The following NEFL variants were observed in gnomAD, a reference collection of about 807,000 sequenced individuals.
NEFL encodes neurofilament light chain, also known as neurofilament light polypeptide.
In NEFL, 36 loss-of-function variants were observed where a neutral mutation model predicts 51.6. That is an observed-to-expected ratio of 0.70 (90% CI 0.53 to 0.92). The LOEUF is 0.92. Among genes scored for constraint, NEFL ranks in the 40% least tolerant of loss-of-function variants. The pLI, the probability that NEFL is intolerant of heterozygous loss-of-function variation, is 0.00. For missense variants in NEFL, 671 were observed against 722.0 expected (o/e 0.93, Z 0.81); for synonymous variants, 332 against 302.5 (o/e 1.10, Z -1.01).
In NEFL at chr8:24,952,954, T is replaced by C. The variant is rs760873433; in HGVS notation, c.1490-2A>G. 1 of 1,606,802 alleles carries C rather than the reference T, an allele frequency of 6.2e-7. No individual in the cohort carries two copies. Among genetic ancestry groups the C allele is most frequent in the Non-Finnish European group, 8.5e-7 (1 of 1,177,332 alleles). On this transcript the variant is annotated splice_acceptor_variant, in intron 3 of 3. Transcript: ENST00000610854. LOFTEE classifies it high-confidence loss of function. ...CTTCTTCAGACTCTTCCTTGGCAGC[T>C]TTAACATAAAAAGAAAATGTACAAA... is the stretch of plus-strand genomic sequence containing the variant.
chr8:24,954,471 T>A (rs1224621729), intron 1 of NEFL, among the ~76,000 whole-genome samples, 166 bp from the exon 2 acceptor site: 1 of 152,200 alleles, frequency 6.6e-6, no homozygotes, highest in Non-Finnish European at 1.5e-5. Context: ...AAAACCTTCA[T>A]GCCTAAAATA....
Position 24,955,400 on chromosome 8 carries a change from C to T in NEFL, c.1044+72G>A. On this transcript the variant is annotated intron_variant, in intron 1 of 3. Coordinates refer to ENST00000610854, the MANE Select transcript of NEFL (RefSeq NM_006158.5). The surrounding 1 kb of genome is among the most constrained non-coding windows in gnomAD (Gnocchi z 4.0). ...GTGCAGCCGCACCACCCCTGGTCTC[C>T]ACTTTCTGGGCGCACCAACTCCCCC... The T allele has an allele frequency of 7.0e-7, 1 of 1,438,660 alleles. No homozygotes were observed. The highest frequency in any genetic ancestry group is 9.3e-7 in the Non-Finnish European group (1 of 1,069,548). The allele number at this position is 1,438,660 out of a possible 1,614,324, so 89.1% of individuals were successfully genotyped here.
In NEFL at chr8:24,951,163, G is replaced by A. The variant is rs1802961741; in HGVS notation, c.*1647C>T. On this transcript the variant is annotated 3_prime_UTR_variant, in exon 4 of 4. Coordinates refer to ENST00000610854, the MANE Select transcript of NEFL (RefSeq NM_006158.5). ...TGAAAAGTTTTGTTTCTGAGGAGAC[G>A]CCTCATCTTTACAGAAGCCAATACA... is the stretch of plus-strand genomic sequence containing the variant. 1 of 152,362 alleles carries A rather than the reference G, an allele frequency of 6.6e-6. No homozygotes were observed. The highest frequency in any genetic ancestry group is 2.4e-5 in the African/African-American group (1 of 41,422). The allele number at this position is 152,362 out of a possible 1,614,324, so 9.4% of individuals were successfully genotyped here.
rs376751687 is a variant in NEFL at position 24,955,718 on chromosome 8, C to T, written c.798G>A (p.Glu266=). The change falls in exon 1 of 4, where the codon GAG becomes GAA. Residue 266 remains glutamate, a synonymous_variant. Coordinates refer to ENST00000610854, the MANE Select transcript of NEFL (RefSeq NM_006158.5). This position sits in a 1 kb window ranked among gnomAD's most constrained non-coding sequence, Gnocchi z 4.0. The part of the protein sequence containing the change: ...AALKDIRAQY[E]KLAAKNMQNA... ...TCTGCATGTTCTTGGCGGCCAGCTT[C>T]TCGTACTGCGCGCGGATGTCCTTGA... The T allele has an allele frequency of 1.9e-6, 3 of 1,613,796 alleles. No homozygotes were observed. Among genetic ancestry groups the T allele is most frequent in the African/African-American group, 2.7e-5 (2 of 74,936 alleles).
At position 24,952,553 on chromosome 8, in the gene NEFL, G is replaced by A. The variant is rs1802983592; in HGVS notation, c.*257C>T. ...CATCTGAATGATTCACATTGCCGTA[G>A]ATCCTGAACTCATAAGCGTGGTCCA... On this transcript the variant is annotated 3_prime_UTR_variant, in exon 4 of 4. Transcript: ENST00000610854. 6.7e-6 allele frequency: 3 copies of A among 444,872 alleles called. No homozygotes were observed. The South Asian group carries it at 1.6e-4, about 23-fold the overall frequency. 27.6% of individuals were successfully genotyped at this position (444,872 alleles called of 1,614,324 possible). A position where few individuals can be genotyped will look rare whatever the true frequency, so the allele number is the denominator to read the frequency against.
Position 24,953,695 on chromosome 8 carries a change from A to T in NEFL, c.1270T>A (p.Tyr424Asn). The change falls in exon 3 of 4, where the codon TAC becomes AAC. Residue 424 changes from tyrosine (Y) to asparagine (N), a missense_variant. Physicochemically the swap from Tyr to Asn is moderately radical, Grantham distance 143. Transcript: ENST00000610854. ...QSSQVFGRSA[Y>N]GGLQTSSYLM... Reference sequence around the variant, plus strand: ...TAGGAGCTGGTCTGTAAACCGCCGTAGGCAGATCGGCCAAAGACCTGGGAG... The same window carrying T: ...TAGGAGCTGGTCTGTAAACCGCCGTTGGCAGATCGGCCAAAGACCTGGGAG... 2 of 1,614,016 alleles carry T rather than the reference A, an allele frequency of 1.2e-6. No homozygotes were observed. The highest frequency in any genetic ancestry group is 1.7e-6 in the Non-Finnish European group (2 of 1,179,882).
In NEFL at chr8:24,953,460, T is replaced by A; in HGVS notation, c.1489+16A>T. On this transcript the variant is annotated intron_variant, in intron 3 of 3. Transcript: ENST00000610854. ...CAGTTTACACTTGAAGTTGCAGGGG[T>A]TTTTTCTTATCATACCTTCTTCCTC... 6.4e-7 allele frequency: 1 copy of A among 1,550,856 alleles called. No homozygotes were observed. Among genetic ancestry groups the A allele is most frequent in the Non-Finnish European group, 8.7e-7 (1 of 1,148,480 alleles).
At position 24,956,410 on chromosome 8, in the gene NEFL, C is replaced by T. The variant is rs1432127004; in HGVS notation, c.106G>A (p.Ala36Thr). Residue 36 changes from alanine to threonine, a missense_variant, in exon 1 of 4, where the codon GCA becomes ACA. Physicochemically the swap from Ala to Thr is moderately conservative, Grantham distance 58. Transcript: ENST00000610854. The surrounding 1 kb of genome is among the most constrained non-coding windows in gnomAD (Gnocchi z 5.9). Reference protein sequence around the residue: ...ISSVRSGYSTARSAYSSYSAP... With the variant: ...ISSVRSGYSTTRSAYSSYSAP... ...GAGTAGCTGGAGTAAGCTGAGCGTGCGGTGCTGTAGCCGCTGCGCACGCTG... is the reference window on the plus strand; with the variant it reads ...GAGTAGCTGGAGTAAGCTGAGCGTGTGGTGCTGTAGCCGCTGCGCACGCTG... 6.2e-7 allele frequency: 1 copy of T among 1,603,076 alleles called. No homozygotes were observed. The highest frequency in any genetic ancestry group is 2.3e-5 in the East Asian group (1 of 44,336).
Position 24,955,661 on chromosome 8 carries a change from G to A in NEFL, c.855C>T (p.Thr285=), listed in dbSNP as rs1065083. The A allele has an allele frequency of 3.5e-4, 565 of 1,613,850 alleles. 3 individuals are homozygous for A. In the African/African-American group the frequency reaches 7.1e-3, roughly 20 times the overall value. ...TCTTGGCGGCGCTCTCGGTCAGCAC[G>A]GTGAAGCGGCTCTTGAACCATTCCT... ...NAEEWFKSRF[T]VLTESAAKNT... is the part of the protein sequence containing the mutation. Residue 285 remains threonine, a synonymous_variant, in exon 1 of 4, where the codon ACC becomes ACT. Coordinates refer to ENST00000610854, the MANE Select transcript of NEFL (RefSeq NM_006158.5). The surrounding 1 kb of genome is among the most constrained non-coding windows in gnomAD (Gnocchi z 4.0).
chr8:24,951,710 G>A lies in NEFL; in HGVS notation c.*1100C>T, dbSNP rs79736124. 5,858 of 152,618 alleles carry A rather than the reference G, an allele frequency of 0.038. 155 individuals carry two copies. The highest frequency in any genetic ancestry group is 0.082 in the Middle Eastern group (24 of 294). The allele number at this position is 152,618 out of a possible 1,614,324, so 9.5% of individuals were successfully genotyped here. ...TATTTACTTGAGGCAACAGAATTAC[G>A]CTTAACAACACACTAAATCATGAGC... On this transcript the variant is annotated 3_prime_UTR_variant, in exon 4 of 4. Transcript: ENST00000610854.
rs1442664792 is a variant in NEFL at position 24,951,217 on chromosome 8, A to G, written c.*1593T>C. On this transcript the variant is annotated 3_prime_UTR_variant, in exon 4 of 4. Transcript: ENST00000610854. ...AGAGCCTTCATAGTTCCAATCCATT[A>G]CCATCATGGCAAGGAAGCACTTTAC... 1 of 152,304 alleles carries G rather than the reference A, an allele frequency of 6.6e-6. No homozygotes were observed. The highest frequency in any genetic ancestry group is 1.5e-5 in the Non-Finnish European group (1 of 68,032). The allele number at this position is 152,304 out of a possible 1,614,324, so 9.4% of individuals were successfully genotyped here.
rs1802967600 is a variant in NEFL, at chr8:24,951,458, T to C, written c.*1352A>G. On this transcript the variant is annotated 3_prime_UTR_variant, in exon 4 of 4. Transcript: ENST00000610854. ...TCATCTATATTTATTCCACATCAAA[T>C]GCAAGAGCGTTCTTAACTTTACGAC... is the stretch of plus-strand genomic sequence containing the variant. The C allele has an allele frequency of 6.6e-6, 1 of 152,194 alleles. No individual in the cohort carries two copies. The highest frequency in any genetic ancestry group is 2.1e-4 in the South Asian group (1 of 4,830). 9.4% of individuals were successfully genotyped at this position (152,194 alleles called of 1,614,324 possible). A position where few individuals can be genotyped will look rare whatever the true frequency, so the allele number is the denominator to read the frequency against.
intron 2 of NEFL, 177 bp from the exon 3 acceptor site, chr8:24,953,972 G>C: frequency 8.7e-7 from 1 of 1,155,342 alleles, no homozygotes; most frequent in Non-Finnish European, 1.2e-6. Context: ...TAGATTTAAA[G>C]TGTAATGACA....
Position 24,953,765 on chromosome 8 carries a change from G to A in NEFL, c.1200C>T (p.Leu400=). The A allele has an allele frequency of 1.9e-6, 3 of 1,613,104 alleles. No homozygotes were observed. The highest frequency in any genetic ancestry group is 2.7e-5 in the African/African-American group (2 of 75,042). The change falls in exon 3 of 4, where the codon CTC becomes CTT. Residue 400 remains leucine (L), a synonymous_variant. Transcript: ENST00000610854. ...TTATGCTTCCCACGCTGGTGAAACT[G>A]AGTCGGGTCTCCTCGCCTTCCAAGA... ...RKLLEGEETR[L]SFTSVGSITS...
Position 24,952,723 on chromosome 8 carries a change from T to C in NEFL, c.*87A>G, listed in dbSNP as rs181734389. ...TATTGACTTTTTAATTCACATAGAA[T>C]CTGGAACTCAACTGGTTGGTTGGTT... On this transcript the variant is annotated 3_prime_UTR_variant, in exon 4 of 4. Transcript: ENST00000610854. 18 of 1,600,546 alleles carry C rather than the reference T, an allele frequency of 1.1e-5. No individual in the cohort carries two copies. The African/African-American group carries it at 1.7e-4, about 16-fold the overall frequency.
In NEFL at chr8:24,956,101, A is replaced by T. The variant is rs868126991; in HGVS notation, c.415T>A (p.Tyr139Asn). ...CGCAGGTCGCGGATCTCCTGCTCGT[A>T]CAGCGCCCGGAAGCGGGATGGCTCG... ...HSEPSRFRALYEQEIRDLRLA... is the reference protein window; with the variant it reads ...HSEPSRFRALNEQEIRDLRLA... The change falls in exon 1 of 4, where the codon TAC (tyrosine) becomes AAC (asparagine). Residue 139 changes from tyrosine (Y) to asparagine (N), a missense_variant. Coordinates refer to ENST00000610854, the MANE Select transcript of NEFL (RefSeq NM_006158.5). The surrounding 1 kb of genome is among the most constrained non-coding windows in gnomAD (Gnocchi z 5.9). The T allele has an allele frequency of 1.2e-6, 2 of 1,606,806 alleles. No individual in the cohort carries two copies. Among genetic ancestry groups the T allele is most frequent in the Non-Finnish European group, 1.7e-6 (2 of 1,178,852 alleles).
At position 24,955,772 on chromosome 8, in the gene NEFL, G is replaced by T. The variant is rs1388179593; in HGVS notation, c.744C>A (p.Asp248Glu). Residue 248 changes from aspartate to glutamate, a missense_variant, in exon 1 of 4, where the codon GAC becomes GAA. By Grantham distance (45) the Asp-to-Glu change is conservative. Transcript: ENST00000610854. The surrounding 1 kb of genome is among the most constrained non-coding windows in gnomAD (Gnocchi z 4.0). ...CGGCGGAAAGGTCGGGCTTGGTCAC[G>T]TCCATCTCCACGGAGATCTGCGCGT... is the stretch of plus-strand genomic sequence containing the variant. ...IQYAQISVEMDVTKPDLSAAL... is the reference protein window; with the variant it reads ...IQYAQISVEMEVTKPDLSAAL... The T allele has an allele frequency of 6.2e-7, 1 of 1,613,114 alleles. No homozygotes were observed. The highest frequency in any genetic ancestry group is 1.3e-5 in the African/African-American group (1 of 74,932).
chr8:24,955,417 AACTCCCCC>A lies in NEFL; in HGVS notation c.1044+47_1044+54del. On this transcript the variant is annotated intron_variant, in intron 1 of 3. Coordinates refer to ENST00000610854, the MANE Select transcript of NEFL (RefSeq NM_006158.5). This position sits in a 1 kb window ranked among gnomAD's most constrained non-coding sequence, Gnocchi z 4.0. ...CTGGTCTCCACTTTCTGGGCGCACCAACTCCCCCCCTTGCTCGAGTCCCCCGCCCCCCT... is the reference window on the plus strand; with the variant it reads ...CTGGTCTCCACTTTCTGGGCGCACCACCTTGCTCGAGTCCCCCGCCCCCCT... 4 of 1,199,962 alleles carry A rather than the reference AACTCCCCC, an allele frequency of 3.3e-6. No homozygotes were observed. Among genetic ancestry groups the A allele is most frequent in the East Asian group, 2.6e-5 (1 of 38,584 alleles). The allele number at this position is 1,199,962 out of a possible 1,614,324, so 74.3% of individuals were successfully genotyped here.
Position 24,956,604 on chromosome 8 carries a change from G to C in NEFL, c.-89C>G. On this transcript the variant is annotated 5_prime_UTR_variant, in exon 1 of 4. Coordinates refer to ENST00000610854, the MANE Select transcript of NEFL (RefSeq NM_006158.5). The surrounding 1 kb of genome is among the most constrained non-coding windows in gnomAD (Gnocchi z 5.9). ...AGAGAGGGAAGGGGGAGGATGGATG[G>C]CTGTGTGCGGCTCGGCGCCGTTCTG... 1 of 1,254,862 alleles carries C rather than the reference G, an allele frequency of 8.0e-7. No individual in the cohort carries two copies. Among genetic ancestry groups the C allele is most frequent in the Admixed American group, 2.0e-5 (1 of 50,400 alleles). 77.7% of individuals were successfully genotyped at this position (1,254,862 alleles called of 1,614,324 possible).
Sources: allele counts gnomAD v4.1 joint callset (sites outside exome capture counted in the v4.1 genomes callset), GRCh38; gene constraint gnomAD v4.1.1; non-coding constraint Gnocchi (gnomAD v3.1); transcripts MANE v1.5; gene names NCBI Gene and HGNC (gene_info 2026-07-23, HGNC 2026-07-21).